The following UNC80 variants were observed in gnomAD, a reference collection of about 807,000 sequenced individuals.
The protein encoded by UNC80 is unc-80 subunit of NALCN channel complex, also known as protein unc-80 homolog.
In UNC80, 164 loss-of-function variants were observed where a neutral mutation model predicts 384.6. The ratio of observed to expected loss-of-function variants is 0.43; its 90% CI spans 0.38 to 0.49. The LOEUF is 0.49. UNC80 is among the 20% of genes least tolerant of loss of function. UNC80 has a pLI of 0.00. For synonymous variants in UNC80, 1,486 were observed against 1,527.8 expected (o/e 0.97, Z 0.64); for missense variants, 3,330 against 4,143.0 (o/e 0.80, Z 5.39).
chr2:209,775,224 T>C (rs1417972590), intron 2 of UNC80, among the ~76,000 whole-genome samples: 1 of 152,218 alleles, frequency 6.6e-6, no homozygotes, highest in East Asian at 1.9e-4. Context: ...TGAGTATCCC[T>C]GGCAAGGATA....
At chr2:209,864,505 C>A (rs2083570463) in intron 22 of UNC80, among the ~76,000 whole-genome samples, 1 of 152,174 alleles carries the variant, frequency 6.6e-6, no homozygotes, top group Non-Finnish European at 1.5e-5. Context: ...GCCACCCCTT[C>A]CCCAGGGTCT....
intron 51 of UNC80, among the ~76,000 whole-genome samples, chr2:209,961,984 A>C (rs1006478123): frequency 6.6e-6 from 1 of 152,140 alleles, no homozygotes; most frequent in African/African-American, 2.4e-5. Flanking sequence ...GACTGGACAA[A>C]AAGGGTATGA....
intron 6 of UNC80, among the ~76,000 whole-genome samples, chr2:209,793,145 A>G (rs1342047413): frequency 5.9e-5 from 9 of 152,246 alleles, no homozygotes; most frequent in Admixed American, 5.9e-4. Context: ...TCACCTGGGC[A>G]GAATTACATT....
chr2:209,950,576 T>A (rs2092124963), intron 47 of UNC80, among the ~76,000 whole-genome samples: 1 of 150,906 alleles, frequency 6.6e-6, no homozygotes, highest in Non-Finnish European at 1.5e-5. Context: ...TTTTTTTTTT[T>A]AACGGAGTTT....
chr2:209,932,229 C>G lies in UNC80; in HGVS notation c.5994+1175C>G, dbSNP rs112800524. Among the ~76,000 whole-genome samples the G allele has an allele frequency of 2.9e-3, 439 of 152,264 alleles. 1 individual carries two copies. Among genetic ancestry groups the G allele is most frequent in the African/African-American group, 0.01 (421 of 41,550 alleles). On this transcript the variant is annotated intron_variant, in intron 38 of 64. Coordinates refer to ENST00000673920, the MANE Select transcript of UNC80 (RefSeq NM_001371986.1). Reference sequence around the variant, plus strand: ...AGTTCTTGCCATGAGTCCCATAGGGCTCTAACATAGGAAGTCCACCAGCTA... The same window carrying G: ...AGTTCTTGCCATGAGTCCCATAGGGGTCTAACATAGGAAGTCCACCAGCTA...
chr2:209,942,248 G>T (rs1014327897), intron 44 of UNC80, among the ~76,000 whole-genome samples: 1 of 152,196 alleles, frequency 6.6e-6, no homozygotes. Context: ...CACTCACCCT[G>T]GTCCATGAAA....
chr2:209,788,192 G>A (rs964069040), intron 5 of UNC80, among the ~76,000 whole-genome samples: 2 of 152,190 alleles, frequency 1.3e-5, no homozygotes, highest in South Asian at 4.2e-4. Context: ...CGAGGTGGGC[G>A]GATCACCTGA....
chr2:209,799,029 A>G (rs2078360846), intron 7 of UNC80, among the ~76,000 whole-genome samples: 1 of 150,520 alleles, frequency 6.6e-6, no homozygotes, highest in Non-Finnish European at 1.5e-5. Context: ...ACAATTTAAA[A>G]TAAATTTTAA....
intron 22 of UNC80, among the ~76,000 whole-genome samples, chr2:209,859,667 A>G (rs1326963436): frequency 1.3e-5 from 2 of 152,094 alleles, no homozygotes; most frequent in African/African-American, 4.8e-5. Context: ...AAGTGTTCCT[A>G]TTTCTCCACA....
Position 209,817,050 on chromosome 2 carries a change from T to C in UNC80, c.1477T>C (p.Ser493Pro). The C allele has an allele frequency of 6.4e-7, 1 of 1,551,658 alleles. No individual in the cohort carries two copies. Among genetic ancestry groups the C allele is most frequent in the Non-Finnish European group, 8.7e-7 (1 of 1,147,006 alleles). ...LDVSPTRSTFSFGSFSGLGED... is the reference protein window; with the variant it reads ...LDVSPTRSTFPFGSFSGLGED... ...TGTGTCCCCCACGCGCAGCACATTC[T>C]CCTTTGGAAGTTTCTCTGGGCTGGG... is the stretch of plus-strand genomic sequence containing the variant. The change falls in exon 10 of 65, where the codon TCC becomes CCC. Residue 493 changes from serine (S) to proline (P), a missense_variant. This residue lies in a region of UNC80 where 937 missense variants were observed against 1,026.8 expected (regional missense o/e 0.91). Transcript: ENST00000673920.
At chr2:209,901,450 A>C (rs560597386) in intron 28 of UNC80, among the ~76,000 whole-genome samples, 2 of 152,294 alleles carry the variant, frequency 1.3e-5, no homozygotes, top group South Asian at 4.1e-4. Flanking sequence ...CTGTTCAGGA[A>C]AAAAAACAAA....
At chr2:209,851,122 G>A (rs1325844711) in intron 22 of UNC80, among the ~76,000 whole-genome samples, 1 of 151,658 alleles carries the variant, frequency 6.6e-6, no homozygotes, top group Admixed American at 6.6e-5. Flanking sequence ...CTTAAGAAAT[G>A]CTCTGTTAAT....
At chr2:209,958,232 T>C (rs1214295901) in intron 49 of UNC80, among the ~76,000 whole-genome samples, 5 of 152,196 alleles carry the variant, frequency 3.3e-5, no homozygotes. Flanking sequence ...ACTCAGATAC[T>C]GGCTATACTA....
chr2:209,910,134 A>G (rs998870477), intron 29 of UNC80, among the ~76,000 whole-genome samples: 2 of 151,050 alleles, frequency 1.3e-5, no homozygotes, highest in Admixed American at 1.3e-4. Context: ...AGAATTTATC[A>G]CTCTTGTTTC....
chr2:209,874,075 G>A (rs563940161), intron 23 of UNC80, among the ~76,000 whole-genome samples: 56 of 152,150 alleles, frequency 3.7e-4, no homozygotes, highest in African/African-American at 1.3e-3. Context: ...TTCAGGCTTC[G>A]ATTGCACATT....
chr2:209,908,605 G>A (rs2088551809), intron 29 of UNC80, among the ~76,000 whole-genome samples: 1 of 152,184 alleles, frequency 6.6e-6, no homozygotes, highest in Admixed American at 6.5e-5. Context: ...AAGGAGAGAG[G>A]AACAAATTGT....
chr2:209,815,911 T>A (rs539086087), intron 9 of UNC80, among the ~76,000 whole-genome samples: 86 of 152,320 alleles, frequency 5.6e-4, no homozygotes, highest in African/African-American at 2.0e-3. Context: ...CTCTCTTTTT[T>A]GTAAGTAATT....
rs191677203 is a variant in UNC80, at chr2:209,881,212, A to G, written c.4110+118A>G. The G allele has an allele frequency of 4.0e-5, 48 of 1,197,376 alleles. No homozygotes were observed. In the Middle Eastern group the frequency reaches 1.8e-3, roughly 46 times the overall value. The allele number at this position is 1,197,376 out of a possible 1,614,324, so 74.2% of individuals were successfully genotyped here. A position where few individuals can be genotyped will look rare whatever the true frequency, so the allele number is the denominator to read the frequency against. On this transcript the variant is annotated intron_variant, in intron 25 of 64. Coordinates refer to ENST00000673920, the MANE Select transcript of UNC80 (RefSeq NM_001371986.1). ...CATGGCTAGTGTATCACATAATTTT[A>G]AAAATTCAACCAAGGGATTTTGAAA...
chr2:209,844,198 G>A (rs959060477), intron 21 of UNC80, among the ~76,000 whole-genome samples: 2 of 152,126 alleles, frequency 1.3e-5, no homozygotes, highest in African/African-American at 2.4e-5. Context: ...TGAGAATGAA[G>A]TGTGGAACTA....
Sources: gnomAD v4.1 joint callset for allele counts (sites outside exome capture counted in the v4.1 genomes callset) on GRCh38, gnomAD v4.1.1 for gene constraint, gnomAD v4.1.1 regional missense constraint, MANE v1.5 for transcripts, NCBI Gene and HGNC (gene_info 2026-07-23, HGNC 2026-07-21) for gene names.